The following MCC variants were observed in gnomAD, a reference collection of about 807,000 sequenced individuals.
The protein encoded by MCC is MCC regulator of Wnt signaling pathway.
Under a neutral mutation model 116.2 loss-of-function variants are expected in MCC, and 90 were observed. The ratio of observed to expected loss-of-function variants is 0.77; its 90% CI spans 0.65 to 0.92. MCC has a LOEUF of 0.92. Ranked by LOEUF, MCC falls within the 40% of genes least tolerant of loss-of-function variation. The pLI is 0.00. For missense variants in MCC, 1,516 were observed against 1,312.2 expected, an observed-to-expected ratio of 1.16 and a Z score of -2.40; for synonymous variants, 578 against 510.5, an observed-to-expected ratio of 1.13 and a Z score of -1.78.
At chr5:113,186,196 C>T (rs1228311255) in intron 3 of MCC, among the ~76,000 whole-genome samples, 1 of 152,152 alleles carries the variant, frequency 6.6e-6, no homozygotes, top group Non-Finnish European at 1.5e-5. Flanking sequence ...TACACAGTAT[C>T]CCTGGCTCAG....
Position 113,022,743 on chromosome 5 carries a change from G to A in MCC, c.*4559C>T, listed in dbSNP as rs1750234429. 2.6e-5 allele frequency: 4 copies of A among 152,206 alleles called. No individual in the cohort carries two copies. Among genetic ancestry groups the A allele is most frequent in the African/African-American group, 9.6e-5 (4 of 41,454 alleles). The allele number at this position is 152,206 out of a possible 1,614,324, so 9.4% of individuals were successfully genotyped here. On this transcript the variant is annotated 3_prime_UTR_variant, in exon 19 of 19. Transcript: ENST00000408903. ...ATCAGTGTGAATGTGGGGGAAATTT[G>A]TGTATAACTTGCTTTGTTCTGCTGA...
intron 17 of MCC, among the ~76,000 whole-genome samples, chr5:113,040,084 G>GT (rs1751596969): frequency 1.3e-5 from 2 of 151,728 alleles, no homozygotes; most frequent in East Asian, 3.9e-4. Context: ...TCCAGATGGG[G>GT]TTTTATGGCA....
intron 6 of MCC, among the ~76,000 whole-genome samples, chr5:113,115,695 C>A (rs1487523874): frequency 1.3e-5 from 2 of 152,002 alleles, no homozygotes; most frequent in Non-Finnish European, 2.9e-5. Flanking sequence ...TCTGCCAGAA[C>A]TTTTCTGCCA....
chr5:113,482,461 A>C (rs1772405525), intron 1 of MCC, among the ~76,000 whole-genome samples: 1 of 25,664 alleles, frequency 3.9e-5, no homozygotes. Context: ...TAGTGGGTGT[A>C]AAGTAGAATT....
At chr5:113,486,019 A>G (rs348954) in intron 1 of MCC, among the ~76,000 whole-genome samples, 104,744 of 152,050 alleles carry the variant, frequency 0.69, 36,508 homozygotes, top group East Asian at 0.88. Context: ...CAGAGAGGGA[A>G]TCATTTAATG....
Position 113,333,867 on chromosome 5 carries a change from A to G in MCC, c.627+6652T>C, listed in dbSNP as rs867898415. ...TGTATATATGTACATATATGTATATATGTATTCACATATACATGTATTTAT... is the reference window on the plus strand; with the variant it reads ...TGTATATATGTACATATATGTATATGTGTATTCACATATACATGTATTTAT... On this transcript the variant is annotated intron_variant, in intron 3 of 18. Coordinates refer to ENST00000408903, the MANE Select transcript of MCC (RefSeq NM_001085377.2). 3.7e-3 allele frequency among the ~76,000 whole-genome samples: 473 copies of G among 129,566 alleles called. 7 individuals carry two copies. Among genetic ancestry groups the G allele is most frequent in the East Asian group, 0.011 (48 of 4,494 alleles). The allele number at this position is 129,566 out of a possible 152,430, so 85.0% of individuals were successfully genotyped here.
chr5:113,412,149 G>A (rs7731854), intron 1 of MCC, among the ~76,000 whole-genome samples: 68,932 of 151,842 alleles, frequency 0.45, 17,541 homozygotes, highest in African/African-American at 0.69. Flanking sequence ...TTTGGTAGCA[G>A]TACCATGCTA....
At chr5:113,358,045 C>T (rs1337370941) in intron 2 of MCC, among the ~76,000 whole-genome samples, 2 of 152,188 alleles carry the variant, frequency 1.3e-5, no homozygotes, top group Non-Finnish European at 2.9e-5. Context: ...GCCTTATGCC[C>T]TTTGGTCAAA....
chr5:113,259,364 T>C (rs575958747), intron 3 of MCC, among the ~76,000 whole-genome samples: 27 of 152,180 alleles, frequency 1.8e-4, no homozygotes, highest in African/African-American at 6.3e-4. Context: ...GAGACCAAGA[T>C]AATCCCTCAA....
chr5:113,227,379 T>C (rs1763778810), intron 3 of MCC, among the ~76,000 whole-genome samples: 1 of 152,218 alleles, frequency 6.6e-6, no homozygotes. Flanking sequence ...AAGAAGTATA[T>C]AGCCATACCT....
chr5:113,130,190 C>T (rs1454636434), intron 5 of MCC, among the ~76,000 whole-genome samples: 1 of 152,130 alleles, frequency 6.6e-6, no homozygotes, highest in African/African-American at 2.4e-5. Context: ...TTTGCAGGGA[C>T]ATGGATGAAG....
chr5:113,132,067 T>C (rs924301354), intron 5 of MCC, among the ~76,000 whole-genome samples: 1 of 150,888 alleles, frequency 6.6e-6, no homozygotes, highest in Middle Eastern at 3.2e-3. Flanking sequence ...CCATGATTTA[T>C]AGTGTGGGAT....
At chr5:113,288,751 G>T (rs1018540428) in intron 3 of MCC, among the ~76,000 whole-genome samples, 1 of 152,206 alleles carries the variant, frequency 6.6e-6, no homozygotes, top group African/African-American at 2.4e-5. Flanking sequence ...TGTACACATG[G>T]ATTCCTCTGA....
At chr5:113,029,979 C>G (rs1580873771) in intron 17 of MCC, among the ~76,000 whole-genome samples, 1 of 152,304 alleles carries the variant, frequency 6.6e-6, no homozygotes, top group East Asian at 1.9e-4. Context: ...AGCACCGTGC[C>G]TGGGTGACAG....
chr5:113,198,890 T>A (rs1762552466), intron 3 of MCC, among the ~76,000 whole-genome samples: 1 of 151,806 alleles, frequency 6.6e-6, no homozygotes, highest in African/African-American at 2.4e-5. Flanking sequence ...CTCACAAGGG[T>A]TGGATGTTAT....
intron 3 of MCC, among the ~76,000 whole-genome samples, chr5:113,180,577 C>T (rs1761574757): frequency 6.6e-6 from 1 of 152,046 alleles, no homozygotes; most frequent in Non-Finnish European, 1.5e-5. Context: ...AAAGCATGGC[C>T]CAAGATTGAC....
intron 3 of MCC, among the ~76,000 whole-genome samples, chr5:113,301,942 C>T (rs979614488): frequency 6.6e-6 from 1 of 152,136 alleles, no homozygotes; most frequent in South Asian, 2.1e-4. Context: ...TTCTGCAGGG[C>T]AAAGACATGA....
At chr5:113,417,767 A>G (rs1481952656) in intron 1 of MCC, among the ~76,000 whole-genome samples, 1 of 152,136 alleles carries the variant, frequency 6.6e-6, no homozygotes, top group African/African-American at 2.4e-5. Flanking sequence ...TGTCTCTACA[A>G]AAAATACAAA....
chr5:113,380,748 G>A (rs1581440436), intron 2 of MCC, among the ~76,000 whole-genome samples: 1 of 152,342 alleles, frequency 6.6e-6, no homozygotes. Context: ...AGGAGAGGCT[G>A]CTTGAGCTTG....
Sources: allele counts gnomAD v4.1 joint callset (sites outside exome capture counted in the v4.1 genomes callset), GRCh38; gene constraint gnomAD v4.1.1; transcripts MANE v1.5; gene names NCBI Gene and HGNC (gene_info 2026-07-23, HGNC 2026-07-21).